Variants in CAST observed in about 807,000 individuals in gnomAD.
CAST encodes the protein MIR583 host.
A neutral mutation model predicts 119.6 loss-of-function variants in CAST; 76 were observed. The ratio of observed to expected loss-of-function variants is 0.64; its 90% CI spans 0.53 to 0.77. CAST has a LOEUF of 0.77. Ranked by LOEUF, CAST falls within the 30% of genes least tolerant of loss-of-function variation. The probability of loss-of-function intolerance (pLI) is 0.00; values close to 1 mark genes in which losing one functional copy is unlikely to be tolerated. For synonymous variants in CAST, 319 were observed against 331.6 expected (o/e 0.96, Z 0.41); for missense variants, 953 against 946.5 (o/e 1.01, Z -0.09).
chr5:96,534,750 A>AGAAAGAG lies in CAST; in HGVS notation c.60+4870_60+4871insGAAAGAG, dbSNP rs1491259672. ...GAGAGAGAGAGAGAGAGAAAGAAAG[A>AGAAAGAG]AAGAAAGAAAGAAAGAAAGAAAGAA... On this transcript the variant is annotated intron_variant, in intron 1 of 11. Coordinates refer to the CAST transcript ENST00000505143. Among the ~76,000 whole-genome samples, 87 of 35,068 alleles carry AGAAAGAG rather than the reference A, an allele frequency of 2.5e-3. 13 individuals carry two copies. The highest frequency in any genetic ancestry group is 4.2e-3 in the Non-Finnish European group (69 of 16,282). The allele number at this position is 35,068 out of a possible 152,430, so 23.0% of individuals were successfully genotyped here. A position where few individuals can be genotyped will look rare whatever the true frequency, so the allele number is the denominator to read the frequency against.
intron 1 of CAST, among the ~76,000 whole-genome samples, chr5:96,671,561 T>C (rs1225339000): frequency 6.6e-6 from 1 of 152,190 alleles, no homozygotes; most frequent in Non-Finnish European, 1.5e-5. Flanking sequence ...AGTTGCTTTA[T>C]TCATGAACCA....
At chr5:96,022,560 A>G in the CAST span, among the ~76,000 whole-genome samples, 3 of 152,200 alleles carry the variant, frequency 2.0e-5, no homozygotes, top group East Asian at 5.8e-4. Flanking sequence ...GTTCCCCAAT[A>G]TGAACAGGCT....
At chr5:96,634,439 CTTCT>C (rs1221305413) in intron 1 of CAST, among the ~76,000 whole-genome samples, 1 of 152,136 alleles carries the variant, frequency 6.6e-6, no homozygotes, top group African/African-American at 2.4e-5. Context: ...TCTTCTCTTC[CTTCT>C]TTTTCATTAT....
At chr5:96,748,116 T>A (rs1290425864) in intron 18 of CAST, among the ~76,000 whole-genome samples, 1 of 152,210 alleles carries the variant, frequency 6.6e-6, no homozygotes, top group East Asian at 1.9e-4. Flanking sequence ...TGCATAATCA[T>A]AGAAACGGAG....
chr5:96,664,598 G>A (rs1247269096), intron 1 of CAST, among the ~76,000 whole-genome samples: 1 of 152,104 alleles, frequency 6.6e-6, no homozygotes, highest in Non-Finnish European at 1.5e-5. Flanking sequence ...ACACTGTGGA[G>A]AACAAAGAGT....
At chr5:96,535,176 G>T (rs1435969033) in intron 1 of CAST, among the ~76,000 whole-genome samples, 1 of 152,168 alleles carries the variant, frequency 6.6e-6, no homozygotes, top group Non-Finnish European at 1.5e-5. Flanking sequence ...GAAAACGTGG[G>T]CAGAAGCCTA....
At chr5:96,135,447 C>T in the CAST span, among the ~76,000 whole-genome samples, 2 of 152,064 alleles carry the variant, frequency 1.3e-5, no homozygotes, top group African/African-American at 4.8e-5. Flanking sequence ...TAGGTTTTAG[C>T]TTAAGTAATT....
At position 96,729,137 on chromosome 5, in the gene CAST, CT is replaced by C. The variant is rs1453571809; in HGVS notation, c.379-12del. 3 of 1,530,364 alleles carry C rather than the reference CT, an allele frequency of 2.0e-6. No homozygotes were observed. The Admixed American group carries it at 5.3e-5, about 27-fold the overall frequency. 94.8% of individuals were successfully genotyped at this position (1,530,364 alleles called of 1,614,324 possible). A position where few individuals can be genotyped will look rare whatever the true frequency, so the allele number is the denominator to read the frequency against. ...GGATTCCAGTGTAATCAAGTTTAATCTTTTGAAATTGACAGCTGTCTGTGGT... is the reference window on the plus strand; with the variant it reads ...GGATTCCAGTGTAATCAAGTTTAATCTTTGAAATTGACAGCTGTCTGTGGT... On this transcript the variant is annotated splice_polypyrimidine_tract_variant and intron_variant, in intron 6 of 31. Transcript: ENST00000675179.
the CAST span, among the ~76,000 whole-genome samples, chr5:96,239,587 C>A: frequency 6.6e-6 from 1 of 151,858 alleles, no homozygotes; most frequent in Non-Finnish European, 1.5e-5. Flanking sequence ...TGGTTTTTTC[C>A]ACTAATCTGC....
the CAST span, among the ~76,000 whole-genome samples, chr5:96,074,953 A>T: frequency 2.0e-5 from 3 of 152,212 alleles, no homozygotes; most frequent in Non-Finnish European, 4.4e-5. Flanking sequence ...TTAGAAAATT[A>T]ATTGGCCCAG....
At chr5:96,171,739 G>A in the CAST span, among the ~76,000 whole-genome samples, 2 of 152,230 alleles carry the variant, frequency 1.3e-5, no homozygotes, top group Non-Finnish European at 2.9e-5. Context: ...ATTGAAAGGA[G>A]AAAGAGGTTG....
intron 3 of CAST, chr5:96,702,703 C>A: frequency 1.1e-6 from 1 of 873,040 alleles, no homozygotes; most frequent in Non-Finnish European, 1.4e-6. Flanking sequence ...GGAGCGGGAC[C>A]TCCCTCCCCA....
the CAST span, among the ~76,000 whole-genome samples, chr5:96,111,536 T>A: frequency 6.6e-6 from 1 of 152,200 alleles, no homozygotes; most frequent in Non-Finnish European, 1.5e-5. Context: ...CCAGCCTCCA[T>A]CCTTCAAGAC....
the CAST span, among the ~76,000 whole-genome samples, chr5:96,320,875 C>T: frequency 1.3e-5 from 2 of 152,156 alleles, no homozygotes; most frequent in African/African-American, 2.4e-5. Context: ...AGAGGTGGCA[C>T]ACCAGCAGCC....
chr5:95,991,000 A>G, the CAST span, among the ~76,000 whole-genome samples: 1 of 152,206 alleles, frequency 6.6e-6, no homozygotes, highest in Non-Finnish European at 1.5e-5. Context: ...TCTCCACAGG[A>G]GAGAGTCCCA....
the CAST span, among the ~76,000 whole-genome samples, chr5:96,305,080 G>A: frequency 6.6e-6 from 1 of 152,150 alleles, no homozygotes; most frequent in Non-Finnish European, 1.5e-5. Flanking sequence ...TCCTATCCAT[G>A]AGCATGGAAT....
At chr5:96,206,275 T>G in the CAST span, among the ~76,000 whole-genome samples, 6 of 152,110 alleles carry the variant, frequency 3.9e-5, no homozygotes, top group Non-Finnish European at 5.9e-5. Context: ...CTGTTGATAG[T>G]GTCTTTTGCT....
the CAST span, among the ~76,000 whole-genome samples, chr5:95,990,130 A>AT: frequency 6.6e-6 from 1 of 152,122 alleles, no homozygotes; most frequent in African/African-American, 2.4e-5. Flanking sequence ...TTATTTAATA[A>AT]TTTAAAAATT....
the CAST span, among the ~76,000 whole-genome samples, chr5:96,000,908 A>C: frequency 3.3e-5 from 5 of 152,230 alleles, no homozygotes; most frequent in African/African-American, 4.8e-5. Context: ...TGATATCTTC[A>C]AATTGATCAT....
Sources: gnomAD v4.1 joint callset for allele counts (sites outside exome capture counted in the v4.1 genomes callset) on GRCh38, gnomAD v4.1.1 for gene constraint, MANE v1.5 for transcripts, NCBI Gene and HGNC (gene_info 2026-07-23, HGNC 2026-07-21) for gene names.